The following ERO1B variants were observed in gnomAD, a reference collection of about 807,000 sequenced individuals.
ERO1B encodes ERO1-like protein beta.
ERO1B carries 49 observed loss-of-function variants against 75.3 expected under a neutral mutation model. That is an observed-to-expected ratio of 0.65 (90% CI 0.52 to 0.83). The LOEUF is 0.83. ERO1B is among the 40% of genes least tolerant of loss of function. ERO1B has a pLI of 0.00. For missense variants in ERO1B, 512 were observed against 560.1 expected (o/e 0.91, Z 0.87); for synonymous variants, 191 against 192.9 (o/e 0.99, Z 0.08).
chr1:236,263,777 G>GTTTTTT (rs1665346835), intron 2 of ERO1B, among the ~76,000 whole-genome samples: 1 of 82,534 alleles, frequency 1.2e-5, no homozygotes, highest in African/African-American at 4.9e-5. Context: ...TATTTTGTTT[G>GTTTTTT]CTTTTTTTTT....
intron 6 of ERO1B, among the ~76,000 whole-genome samples, chr1:236,241,374 T>C (rs1664695614): frequency 6.9e-6 from 1 of 144,958 alleles, no homozygotes; most frequent in African/African-American, 2.5e-5. Flanking sequence ...CGAAACCCTG[T>C]CTCTACTAAA....
chr1:236,259,879 T>G (rs1196529576), intron 2 of ERO1B, among the ~76,000 whole-genome samples: 1 of 151,904 alleles, frequency 6.6e-6, no homozygotes, highest in Non-Finnish European at 1.5e-5. Flanking sequence ...TTAGACCAAA[T>G]GGCCCTACCA....
intron 2 of ERO1B, among the ~76,000 whole-genome samples, chr1:236,254,718 T>G (rs1056942026): frequency 7.9e-5 from 12 of 151,786 alleles, no homozygotes; most frequent in African/African-American, 2.9e-4. Flanking sequence ...GTTCAAGTGA[T>G]TCTCCTGCCT....
At chr1:236,221,863 T>C in intron 14 of ERO1B, 61 bp downstream of exon 14, 1 of 1,234,084 alleles carries the variant, frequency 8.1e-7, no homozygotes, top group Non-Finnish European at 1.2e-6. Context: ...ATAAAAAGCT[T>C]GGACTCAGTG....
In ERO1B at chr1:236,232,890, A is replaced by G. The variant is rs374854189; in HGVS notation, c.674-51T>C. 331 of 1,452,402 alleles carry G rather than the reference A, an allele frequency of 2.3e-4. 1 individual carries two copies. Among genetic ancestry groups the G allele is most frequent in the Admixed American group, 2.3e-3 (113 of 49,822 alleles). 90.0% of individuals were successfully genotyped at this position (1,452,402 alleles called of 1,614,324 possible). ...TTTTAGAAAATGTCTTACATAGCTC[A>G]GATCCCAATACTATTTTTTGAGATT... On this transcript the variant is annotated intron_variant, in intron 8 of 15. Coordinates refer to ENST00000354619, the MANE Select transcript of ERO1B (RefSeq NM_019891.4).
At chr1:236,244,573 A>G (rs1418939714) in intron 5 of ERO1B, among the ~76,000 whole-genome samples, 1 of 152,236 alleles carries the variant, frequency 6.6e-6, no homozygotes, top group Non-Finnish European at 1.5e-5. Context: ...AGTAGTGAAG[A>G]ACAAATCAAT....
Position 236,253,506 on chromosome 1 carries a change from C to G in ERO1B, c.223-1G>C. On this transcript the variant is annotated splice_acceptor_variant, in intron 2 of 15. Coordinates refer to ENST00000354619, the MANE Select transcript of ERO1B (RefSeq NM_019891.4). LOFTEE classifies it high-confidence loss of function. ...AAGGACAAGGTCGCTTCAGATTAACCTTGAAAGAAAGAACAAAGTTAGTAA... is the reference window on the plus strand; with the variant it reads ...AAGGACAAGGTCGCTTCAGATTAACGTTGAAAGAAAGAACAAAGTTAGTAA... 6.3e-7 allele frequency: 1 copy of G among 1,599,672 alleles called. No homozygotes were observed. Among genetic ancestry groups the G allele is most frequent in the Non-Finnish European group, 8.5e-7 (1 of 1,169,936 alleles).
At chr1:236,254,939 T>C (rs1665126571) in intron 2 of ERO1B, among the ~76,000 whole-genome samples, 1 of 151,716 alleles carries the variant, frequency 6.6e-6, no homozygotes, top group Admixed American at 6.6e-5. Flanking sequence ...TTTTTCTTTT[T>C]TGAGACAGAG....
intron 1 of ERO1B, among the ~76,000 whole-genome samples, chr1:236,275,399 A>G (rs1418452305): frequency 6.6e-6 from 1 of 152,238 alleles, no homozygotes; most frequent in African/African-American, 2.4e-5. Flanking sequence ...ACAGTTATCA[A>G]TTATAAAGGA....
In ERO1B at chr1:236,220,722, A is replaced by ATTTT. The variant is rs34880815; in HGVS notation, c.1343+106_1343+109dup. On this transcript the variant is annotated intron_variant, in intron 15 of 15. Transcript: ENST00000354619. ...TAAGTTAGTACAGATACAATATAAA[A>ATTTT]TTTTTTTTTGTCAACAAAACAAACC... The ATTTT allele has an allele frequency of 9.5e-3, 10,395 of 1,094,418 alleles. 1 individual carries two copies. The highest frequency in any genetic ancestry group is 0.04 in the East Asian group (1,184 of 29,472). The allele number at this position is 1,094,418 out of a possible 1,614,324, so 67.8% of individuals were successfully genotyped here. A position where few individuals can be genotyped will look rare whatever the true frequency, so the allele number is the denominator to read the frequency against.
chr1:236,218,969 ATCTCCTGCTGAG>A (rs66713170), intron 15 of ERO1B, among the ~76,000 whole-genome samples: 70,827 of 151,428 alleles, frequency 0.47, 17,225 homozygotes, highest in East Asian at 0.88. Context: ...ACTCTATTTC[ATCTCCTGCTGAG>A]TCTCTCTCCT....
intron 2 of ERO1B, among the ~76,000 whole-genome samples, chr1:236,260,827 C>T (rs1400020182): frequency 3.3e-5 from 5 of 150,214 alleles, no homozygotes; most frequent in South Asian, 2.1e-4. Flanking sequence ...ACCCTGATTT[C>T]GAAGGCAGAA....
At chr1:236,239,907 A>ATTTTT (rs1405706250) in intron 6 of ERO1B, among the ~76,000 whole-genome samples, 1 of 106,382 alleles carries the variant, frequency 9.4e-6, no homozygotes, top group South Asian at 3.3e-4. Context: ...ATATATATAT[A>ATTTTT]TATATTTTTT....
Position 236,216,019 on chromosome 1 carries a change from C to T in ERO1B, c.*2497G>A, listed in dbSNP as rs1207293841. 1.3e-5 allele frequency: 2 copies of T among 152,144 alleles called. No homozygotes were observed. The highest frequency in any genetic ancestry group is 4.8e-5 in the African/African-American group (2 of 41,448). 9.4% of individuals were successfully genotyped at this position (152,144 alleles called of 1,614,324 possible). ...TCAAAAGTGTGGAGTCTTATTCTGTCTGATCCTCCTCATAATCTAAGAATC... is the reference window on the plus strand; with the variant it reads ...TCAAAAGTGTGGAGTCTTATTCTGTTTGATCCTCCTCATAATCTAAGAATC... On this transcript the variant is annotated 3_prime_UTR_variant, in exon 16 of 16. Transcript: ENST00000354619.
chr1:236,257,560 C>CAAAAAAAAAAAAAAAAAAAAA (rs57151086), intron 2 of ERO1B, among the ~76,000 whole-genome samples: 12 of 125,540 alleles, frequency 9.6e-5, no homozygotes, highest in East Asian at 6.9e-4. Flanking sequence ...AAATATGCTC[C>CAAAAAAAAAAAAAAAAAAAAA]AAAAAAAAAA....
Position 236,268,438 on chromosome 1 carries a change from T to TA in ERO1B, c.222+1436dup, listed in dbSNP as rs201868068. Among the ~76,000 whole-genome samples, 149 of 147,476 alleles carry TA rather than the reference T, an allele frequency of 1.0e-3. 2 individuals are homozygous for TA. Among genetic ancestry groups the TA allele is most frequent in the African/African-American group, 1.7e-3 (69 of 40,014 alleles). On this transcript the variant is annotated intron_variant, in intron 2 of 15. Transcript: ENST00000354619. Reference sequence around the variant, plus strand: ...CTGGGCGACAGAGCGAGACCCTGTCTAAAAAAAAACAAAAAAAAATTAATT... The same window carrying TA: ...CTGGGCGACAGAGCGAGACCCTGTCTAAAAAAAAAACAAAAAAAAATTAATT...
chr1:236,218,541 T>C lies in ERO1B; in HGVS notation c.1379A>G (p.Lys460Arg). Residue 460 changes from lysine (K) to arginine (R), a missense_variant, in exon 16 of 16, where the codon AAA (lysine) becomes AGA (arginine). Lys to Arg is a conservative substitution (Grantham distance 26). Transcript: ENST00000354619. ...TTACCTACTGTGTTGTAATAAGACT[T>C]TAAAATTCTGTAAGTCTCTTATACT... The part of the protein sequence containing the change: ...STSIRDLQNF[K>R]VLLQHSR 1 of 1,413,000 alleles carries C rather than the reference T, an allele frequency of 7.1e-7. No individual in the cohort carries two copies. The highest frequency in any genetic ancestry group is 9.3e-7 in the Non-Finnish European group (1 of 1,073,572). The allele number at this position is 1,413,000 out of a possible 1,614,324, so 87.5% of individuals were successfully genotyped here.
chr1:236,281,672 T>C lies in ERO1B; in HGVS notation c.102+10A>G. 3 of 1,439,688 alleles carry C rather than the reference T, an allele frequency of 2.1e-6. No individual in the cohort carries two copies. The highest frequency in any genetic ancestry group is 2.1e-4 in the Middle Eastern group (1 of 4,864). The allele number at this position is 1,439,688 out of a possible 1,614,324, so 89.2% of individuals were successfully genotyped here. ...CCGGGGGTTCCCGGCCCGCTATCAC[T>C]CGGGCTTACCTGCGCCTCGACGACG... On this transcript the variant is annotated intron_variant, in intron 1 of 15. Coordinates refer to ENST00000354619, the MANE Select transcript of ERO1B (RefSeq NM_019891.4).
intron 2 of ERO1B, among the ~76,000 whole-genome samples, chr1:236,264,611 A>C (rs1665377062): frequency 6.6e-6 from 1 of 152,032 alleles, no homozygotes; most frequent in African/African-American, 2.4e-5. Context: ...TGAGAGGCCA[A>C]GGTGGGCAGA....
Sources: allele counts gnomAD v4.1 joint callset (sites outside exome capture counted in the v4.1 genomes callset), GRCh38; gene constraint gnomAD v4.1.1; transcripts MANE v1.5; gene names NCBI Gene and HGNC (gene_info 2026-07-23, HGNC 2026-07-21).